The following NRXN3 variants were observed in gnomAD, a reference collection of about 807,000 sequenced individuals.
NRXN3 encodes neurexin III.
Under a neutral mutation model 137.6 loss-of-function variants are expected in NRXN3, and 32 were observed. The ratio of observed to expected loss-of-function variants is 0.23; its 90% CI spans 0.18 to 0.31. The LOEUF is 0.31. NRXN3 is among the 10% of genes least tolerant of loss of function. The pLI, the probability that NRXN3 is intolerant of heterozygous loss-of-function variation, is 1.00. For synonymous variants in NRXN3, 798 were observed against 784.5 expected (o/e 1.02, Z -0.29); for missense variants, 1,574 against 2,062.5 (o/e 0.76, Z 4.59).
At chr14:79,801,248 C>A (rs1054795253) in intron 19 of NRXN3, among the ~76,000 whole-genome samples, 13 of 152,152 alleles carry the variant, frequency 8.5e-5, no homozygotes, top group Non-Finnish European at 1.3e-4. Context: ...GAACAGATCA[C>A]CTTTGAATGA....
At chr14:79,350,799 A>G (rs2153389219) in intron 15 of NRXN3, among the ~76,000 whole-genome samples, 1 of 152,294 alleles carries the variant, frequency 6.6e-6, no homozygotes, top group East Asian at 1.9e-4. Flanking sequence ...AAGCCATTTC[A>G]GGCCTTTTAT....
At chr14:78,812,425 T>C (rs2153101925) in intron 10 of NRXN3, among the ~76,000 whole-genome samples, 1 of 152,328 alleles carries the variant, frequency 6.6e-6, no homozygotes, top group Non-Finnish European at 1.5e-5. Flanking sequence ...TATCCGAAGC[T>C]ACATCTAGCA....
Position 78,685,928 on chromosome 14 carries a change from C to T in NRXN3, c.1222-23289C>T, listed in dbSNP as rs569197161. Among the ~76,000 whole-genome samples, 27 of 151,756 alleles carry T rather than the reference C, an allele frequency of 1.8e-4. No homozygotes were observed. The South Asian group carries it at 2.7e-3, about 15-fold the overall frequency. On this transcript the variant is annotated intron_variant, in intron 6 of 20. Coordinates refer to ENST00000335750, the MANE Select transcript of NRXN3 (RefSeq NM_001330195.2). ...CCTCCCAAAGTGCTGGGATTACAGG[C>T]GTGTGCCACCGCACCCGGCCATGTC...
intron 20 of NRXN3, among the ~76,000 whole-genome samples, chr14:79,842,609 T>G (rs1012673195): frequency 1.3e-5 from 2 of 152,170 alleles, no homozygotes; most frequent in African/African-American, 4.8e-5. Flanking sequence ...TTGGATACTT[T>G]AAGAAATAAA....
chr14:79,653,947 G>A (rs926864077), intron 16 of NRXN3, among the ~76,000 whole-genome samples: 3 of 152,252 alleles, frequency 2.0e-5, no homozygotes, highest in African/African-American at 7.2e-5. Context: ...AAGGGACCTT[G>A]GAAAGTACCC....
chr14:78,174,821 C>T (rs1566901091), intron 1 of NRXN3, among the ~76,000 whole-genome samples: 2 of 152,150 alleles, frequency 1.3e-5, no homozygotes, highest in Admixed American at 6.5e-5. Flanking sequence ...ATCCCCACGT[C>T]CACCAAGCGA....
intron 4 of NRXN3, among the ~76,000 whole-genome samples, chr14:78,641,027 A>G (rs550789826): frequency 6.6e-6 from 1 of 152,328 alleles, no homozygotes; most frequent in African/African-American, 2.4e-5. Flanking sequence ...AATAAATACA[A>G]GGTGACTGCA....
intron 8 of NRXN3, among the ~76,000 whole-genome samples, chr14:78,770,128 T>G (rs1358597567): frequency 1.3e-5 from 2 of 152,182 alleles, no homozygotes; most frequent in Non-Finnish European, 2.9e-5. Context: ...GGCATCAGGA[T>G]GTTGTAATAG....
intron 20 of NRXN3, among the ~76,000 whole-genome samples, chr14:79,830,401 C>A (rs932343286): frequency 2.6e-5 from 4 of 152,122 alleles, no homozygotes; most frequent in African/African-American, 9.7e-5. Flanking sequence ...AATGGAGGCA[C>A]CTTTTTTTCT....
chr14:79,811,650 C>T (rs1379141806), intron 20 of NRXN3, among the ~76,000 whole-genome samples: 1 of 140,482 alleles, frequency 7.1e-6, no homozygotes, highest in East Asian at 2.1e-4. Context: ...GGCATGATCT[C>T]GGCTCACTGC....
At chr14:79,285,423 T>G (rs2082074430) in intron 15 of NRXN3, among the ~76,000 whole-genome samples, 1 of 152,212 alleles carries the variant, frequency 6.6e-6, no homozygotes, top group South Asian at 2.1e-4. Flanking sequence ...CTCCTTGTAT[T>G]AGTTTGCTAG....
At chr14:79,316,172 A>G (rs1373329781) in intron 15 of NRXN3, among the ~76,000 whole-genome samples, 1 of 152,192 alleles carries the variant, frequency 6.6e-6, no homozygotes, top group Non-Finnish European at 1.5e-5. Context: ...TGCTGGAAAA[A>G]ACATTACATT....
chr14:78,967,145 A>G (rs1289698018), intron 12 of NRXN3, 63 bp from the exon 13 acceptor site: 20 of 1,432,936 alleles, frequency 1.4e-5, no homozygotes, highest in East Asian at 2.4e-5. Context: ...AGTTACACAC[A>G]TATAGCCATT....
At chr14:79,692,729 C>T (rs950582298) in intron 18 of NRXN3, among the ~76,000 whole-genome samples, 6 of 151,824 alleles carry the variant, frequency 4.0e-5, no homozygotes, top group Admixed American at 1.3e-4. Flanking sequence ...CATAGATTGA[C>T]TCTTGTAACT....
At chr14:78,237,315 A>G (rs1469160345) in intron 1 of NRXN3, among the ~76,000 whole-genome samples, 1 of 152,242 alleles carries the variant, frequency 6.6e-6, no homozygotes, top group Non-Finnish European at 1.5e-5. Context: ...GCTAAAGGAA[A>G]AAAAGTTTTG....
intron 14 of NRXN3, among the ~76,000 whole-genome samples, chr14:78,969,294 A>C (rs1375395607): frequency 1.3e-5 from 2 of 152,180 alleles, no homozygotes; most frequent in African/African-American, 4.8e-5. Context: ...TTGCAGTGTA[A>C]ACAATCTAGT....
At chr14:78,633,260 A>AAAAAAAAAAAAAAAAAAAAG (rs777062744) in intron 4 of NRXN3, among the ~76,000 whole-genome samples, 2 of 148,262 alleles carry the variant, frequency 1.3e-5, no homozygotes, top group Non-Finnish European at 3.0e-5. Context: ...TCAAAAAAAA[A>AAAAAAAAAAAAAAAAAAAAG]AAAAAAAAGA....
intron 15 of NRXN3, among the ~76,000 whole-genome samples, chr14:79,416,074 C>G (rs1018494624): frequency 6.6e-6 from 1 of 151,904 alleles, no homozygotes; most frequent in African/African-American, 2.4e-5. Context: ...GGTTTTAGAC[C>G]CAAGATTAAA....
intron 4 of NRXN3, among the ~76,000 whole-genome samples, chr14:78,383,834 A>G (rs1329873939): frequency 1.3e-5 from 2 of 152,142 alleles, no homozygotes; most frequent in Non-Finnish European, 2.9e-5. Flanking sequence ...GCCTTTGCCC[A>G]ATTTCCCACC....
Sources: allele counts gnomAD v4.1 joint callset (sites outside exome capture counted in the v4.1 genomes callset), GRCh38; gene constraint gnomAD v4.1.1; transcripts MANE v1.5; gene names NCBI Gene and HGNC (gene_info 2026-07-23, HGNC 2026-07-21).